HCN1: variants seen among roughly 807,000 people sequenced by gnomAD.
HCN1 encodes hyperpolarization activated cyclic nucleotide gated potassium channel 1.
HCN1 carries 13 observed loss-of-function variants against 78.9 expected under a neutral mutation model. The observed-to-expected ratio is 0.16, with a 90% CI of 0.11 to 0.26. The LOEUF (loss-of-function observed/expected upper bound fraction) is 0.26, where lower values mean the gene tolerates loss of function less well. Among genes scored for constraint, HCN1 ranks in the 10% least tolerant of loss-of-function variants. The pLI, the probability that HCN1 is intolerant of heterozygous loss-of-function variation, is 1.00. For synonymous variants in HCN1, 552 were observed against 455.5 expected (o/e 1.21, Z -2.70); for missense variants, 810 against 1,154.3 (o/e 0.70, Z 4.32).
At position 45,522,837 on chromosome 5, in the gene HCN1, C is replaced by A. The variant is rs115311247; in HGVS notation, c.850-60830G>T. ...TACATATTGTCCAAGTCTGCTTTCACATCTTTTTTTTTCCTTTTTTAAATT... is the reference window on the plus strand; with the variant it reads ...TACATATTGTCCAAGTCTGCTTTCAAATCTTTTTTTTTCCTTTTTTAAATT... On this transcript the variant is annotated intron_variant, in intron 2 of 7. Transcript: ENST00000303230. 5.0e-3 allele frequency among the ~76,000 whole-genome samples: 759 copies of A among 151,712 alleles called. 4 individuals are homozygous for A. The highest frequency in any genetic ancestry group is 0.017 in the African/African-American group (724 of 41,444).
chr5:45,320,819 T>C (rs564062674), intron 5 of HCN1, among the ~76,000 whole-genome samples: 1 of 152,016 alleles, frequency 6.6e-6, no homozygotes, highest in East Asian at 1.9e-4. Flanking sequence ...CGAATGGTTT[T>C]TAAAAATCTG....
At chr5:45,381,149 T>C in intron 4 of HCN1, among the ~76,000 whole-genome samples, 1 of 152,144 alleles carries the variant, frequency 6.6e-6, no homozygotes, top group Non-Finnish European at 1.5e-5. Context: ...ATGAAGAACA[T>C]AGCTTGTTAA....
At chr5:45,450,071 T>C (rs767525065) in intron 3 of HCN1, among the ~76,000 whole-genome samples, 1 of 152,240 alleles carries the variant, frequency 6.6e-6, no homozygotes, top group Non-Finnish European at 1.5e-5. Flanking sequence ...GACCTCGTGA[T>C]ACGCCTGCCT....
intron 3 of HCN1, among the ~76,000 whole-genome samples, chr5:45,419,602 C>T (rs1740186935): frequency 6.6e-6 from 1 of 152,070 alleles, no homozygotes; most frequent in Non-Finnish European, 1.5e-5. Context: ...GTATGGATTC[C>T]AACAACAAAC....
In HCN1 at chr5:45,413,768, G is replaced by T. The variant is rs181937160; in HGVS notation, c.1012-17058C>A. Among the ~76,000 whole-genome samples, 409 of 152,060 alleles carry T rather than the reference G, an allele frequency of 2.7e-3. 2 individuals are homozygous for T. The highest frequency in any genetic ancestry group is 9.1e-3 in the African/African-American group (378 of 41,508). ...TATAGGAAAATTTTTATTTTAGAAT[G>T]CACTATGACATTTCCAAAGACAAAT... On this transcript the variant is annotated intron_variant, in intron 3 of 7. Transcript: ENST00000303230.
At chr5:45,373,377 A>G (rs934312966) in intron 4 of HCN1, among the ~76,000 whole-genome samples, 1 of 113,276 alleles carries the variant, frequency 8.8e-6, no homozygotes, top group Non-Finnish European at 1.6e-5. Flanking sequence ...TATATATTTT[A>G]TATAATATAT....
At chr5:45,354,418 C>T (rs541163306) in intron 4 of HCN1, among the ~76,000 whole-genome samples, 2 of 151,960 alleles carry the variant, frequency 1.3e-5, no homozygotes, top group African/African-American at 4.8e-5. Context: ...AATATTTTTC[C>T]TCATGTAACA....
intron 2 of HCN1, among the ~76,000 whole-genome samples, chr5:45,486,990 C>T (rs1489474379): frequency 6.6e-6 from 1 of 152,050 alleles, no homozygotes; most frequent in African/African-American, 2.4e-5. Context: ...TCACAAGTGT[C>T]TCTTCTATGT....
chr5:45,605,789 T>C (rs548167103), intron 2 of HCN1, among the ~76,000 whole-genome samples: 2 of 152,130 alleles, frequency 1.3e-5, no homozygotes, highest in South Asian at 2.1e-4. Context: ...TGTATCACTC[T>C]GGTAATATTG....
chr5:45,552,260 T>G (rs959993719), intron 2 of HCN1, among the ~76,000 whole-genome samples: 1 of 151,934 alleles, frequency 6.6e-6, no homozygotes, highest in Non-Finnish European at 1.5e-5. Context: ...CATTCCCTCT[T>G]TAATGTACTT....
At chr5:45,560,487 T>C (rs992547450) in intron 2 of HCN1, among the ~76,000 whole-genome samples, 6 of 151,980 alleles carry the variant, frequency 3.9e-5, no homozygotes, top group Non-Finnish European at 5.9e-5. Flanking sequence ...AGATTAACCA[T>C]TAAATCTTTG....
At chr5:45,647,149 T>G (rs1010638122) in intron 1 of HCN1, among the ~76,000 whole-genome samples, 9 of 152,176 alleles carry the variant, frequency 5.9e-5, no homozygotes, top group African/African-American at 2.2e-4. Context: ...ATTTTGAAGA[T>G]TTCACCAGTA....
At chr5:45,456,844 C>T (rs182628096) in intron 3 of HCN1, among the ~76,000 whole-genome samples, 18 of 151,982 alleles carry the variant, frequency 1.2e-4, no homozygotes, top group African/African-American at 3.6e-4. Flanking sequence ...TACGGTGAAA[C>T]GTGTACAGGA....
chr5:45,677,629 TTTC>T (rs1739600111), intron 1 of HCN1, among the ~76,000 whole-genome samples: 2 of 151,934 alleles, frequency 1.3e-5, no homozygotes, highest in Non-Finnish European at 2.9e-5. Context: ...GTTTTGTTTA[TTTC>T]TTCAAGGTAG....
intron 5 of HCN1, among the ~76,000 whole-genome samples, chr5:45,315,605 A>G (rs1745969818): frequency 6.6e-6 from 1 of 152,206 alleles, no homozygotes; most frequent in Admixed American, 6.5e-5. Flanking sequence ...AAAACCCTTC[A>G]GAAAAACCAT....
intron 2 of HCN1, among the ~76,000 whole-genome samples, chr5:45,616,439 G>A (rs1261253903): frequency 2.0e-5 from 3 of 151,936 alleles, no homozygotes; most frequent in Admixed American, 1.3e-4. Context: ...CTAATATCAT[G>A]TACTGATTTG....
chr5:45,406,736 T>C (rs1285870277), intron 3 of HCN1, among the ~76,000 whole-genome samples: 1 of 152,154 alleles, frequency 6.6e-6, no homozygotes, highest in Non-Finnish European at 1.5e-5. Flanking sequence ...CTTTAAACTA[T>C]GTTTCTTCTC....
chr5:45,497,160 G>A (rs1742055176), intron 2 of HCN1, among the ~76,000 whole-genome samples: 1 of 152,064 alleles, frequency 6.6e-6, no homozygotes, highest in African/African-American at 2.4e-5. Context: ...GTGTGGTGCT[G>A]AAAAAAATGT....
At chr5:45,467,323 C>T (rs954869734) in intron 2 of HCN1, among the ~76,000 whole-genome samples, 3 of 152,058 alleles carry the variant, frequency 2.0e-5, no homozygotes, top group African/African-American at 4.8e-5. Context: ...CCTCTGACAA[C>T]GTCACACGTT....
Sources: gnomAD v4.1 joint callset for allele counts (sites outside exome capture counted in the v4.1 genomes callset) on GRCh38, gnomAD v4.1.1 for gene constraint, MANE v1.5 for transcripts, NCBI Gene and HGNC (gene_info 2026-07-23, HGNC 2026-07-21) for gene names.